Variants in PLBD2 observed in about 807,000 individuals in gnomAD.
PLBD2 encodes putative aminopeptidase PLBD2.
PLBD2 carries 51 observed loss-of-function variants against 68.3 expected under a neutral mutation model. The observed-to-expected ratio is 0.75, with a 90% CI of 0.60 to 0.94. PLBD2 has a LOEUF of 0.94. Among genes scored for constraint, PLBD2 ranks in the 40% least tolerant of loss-of-function variants. PLBD2 has a pLI of 0.00. For missense variants in PLBD2, 729 were observed against 792.2 expected (o/e 0.92, Z 0.96); for synonymous variants, 314 against 339.3 (o/e 0.93, Z 0.82).
At chr12:113,365,428 C>T (rs1364784268) in intron 1 of PLBD2, among the ~76,000 whole-genome samples, 1 of 151,736 alleles carries the variant, frequency 6.6e-6, no homozygotes, top group East Asian at 1.9e-4. Context: ...CGATTCATGC[C>T]TCAGTCACCA....
intron 1 of PLBD2, among the ~76,000 whole-genome samples, chr12:113,364,082 G>A (rs1957320464): frequency 6.6e-6 from 1 of 152,210 alleles, no homozygotes; most frequent in African/African-American, 2.4e-5. Context: ...TTTCGGGAAG[G>A]CCCGTCTTTT....
intron 1 of PLBD2, among the ~76,000 whole-genome samples, chr12:113,367,472 G>A (rs574710153): frequency 4.3e-4 from 65 of 152,224 alleles, no homozygotes; most frequent in Middle Eastern, 3.4e-3. Flanking sequence ...TGCAGAGCCC[G>A]GGCATAGTGG....
Position 113,384,071 on chromosome 12 carries a change from A to G in PLBD2, c.958-34A>G. 1.3e-6 allele frequency: 2 copies of G among 1,553,314 alleles called. No homozygotes were observed. The highest frequency in any genetic ancestry group is 1.7e-6 in the Non-Finnish European group (2 of 1,144,936). On this transcript the variant is annotated intron_variant, in intron 6 of 11. Transcript: ENST00000280800. This position sits in a 1 kb window ranked among gnomAD's most constrained non-coding sequence, Gnocchi z 4.2. Reference sequence around the variant, plus strand: ...ACTGCCACTTGGTGGCAGCATGCCTAGGCTGTGCAGCAGCCCCCTTGACCT... The same window carrying G: ...ACTGCCACTTGGTGGCAGCATGCCTGGGCTGTGCAGCAGCCCCCTTGACCT...
intron 6 of PLBD2, among the ~76,000 whole-genome samples, chr12:113,381,629 C>A (rs1001765044): frequency 1.3e-4 from 20 of 151,966 alleles, no homozygotes; most frequent in Admixed American, 1.2e-3. Context: ...CATGCTGTGG[C>A]CCAGGTGGGG....
chr12:113,380,182 G>A (rs1431964049), intron 5 of PLBD2, among the ~76,000 whole-genome samples: 1 of 151,968 alleles, frequency 6.6e-6, no homozygotes, highest in East Asian at 1.9e-4. Flanking sequence ...TGTCGCCCAG[G>A]CTGGAGTGCA....
chr12:113,373,868 A>AC (rs1957412489), intron 3 of PLBD2, among the ~76,000 whole-genome samples: 1 of 44,694 alleles, frequency 2.2e-5, no homozygotes, highest in Non-Finnish European at 4.3e-5. Context: ...ACATCCACCC[A>AC]CCCACCCACC....
At position 113,384,545 on chromosome 12, in the gene PLBD2, G is replaced by T. The variant is rs1394271807; in HGVS notation, c.1118+280G>T. On this transcript the variant is annotated intron_variant, in intron 7 of 11. Coordinates refer to ENST00000280800, the MANE Select transcript of PLBD2 (RefSeq NM_173542.4). The surrounding 1 kb of genome is among the most constrained non-coding windows in gnomAD (Gnocchi z 4.2). The stretch of plus-strand genomic sequence containing the variant: ...ACAGTGGGGAGGGCTGTTTGAGGAG[G>T]TGGACGTGGGTGGGTGGCAGGGCCT... 6.6e-6 allele frequency among the ~76,000 whole-genome samples: 1 copy of T among 152,164 alleles called. No individual in the cohort carries two copies. Among genetic ancestry groups the T allele is most frequent in the East Asian group, 1.9e-4 (1 of 5,182 alleles).
chr12:113,361,345 T>G (rs9668149), intron 1 of PLBD2, among the ~76,000 whole-genome samples: 66 of 140,854 alleles, frequency 4.7e-4, no homozygotes, highest in East Asian at 2.2e-3. Flanking sequence ...TTTTTTGTTT[T>G]TTTTTTTTTT....
intron 1 of PLBD2, among the ~76,000 whole-genome samples, chr12:113,360,204 G>C (rs1336586177): frequency 1.3e-5 from 2 of 152,138 alleles, no homozygotes; most frequent in Non-Finnish European, 2.9e-5. Context: ...ATCTGGGAAG[G>C]CTCCCAGAGA....
chr12:113,369,880 A>G (rs1369286499), intron 2 of PLBD2, among the ~76,000 whole-genome samples: 1 of 151,636 alleles, frequency 6.6e-6, no homozygotes, highest in Non-Finnish European at 1.5e-5. Context: ...AACCTTATGA[A>G]TACATTAAAA....
At chr12:113,364,845 G>T (rs1957328276) in intron 1 of PLBD2, among the ~76,000 whole-genome samples, 1 of 152,056 alleles carries the variant, frequency 6.6e-6, no homozygotes, top group Admixed American at 6.6e-5. Flanking sequence ...GTCCTCTGAA[G>T]GGGGAGTCAC....
chr12:113,380,529 A>G (rs907962137), intron 5 of PLBD2, among the ~76,000 whole-genome samples: 4 of 152,166 alleles, frequency 2.6e-5, no homozygotes, highest in Admixed American at 1.3e-4. Context: ...TGGAGGGCCA[A>G]CTATATAAGT....
In PLBD2 at chr12:113,384,036, C is replaced by T; in HGVS notation, c.958-69C>T. On this transcript the variant is annotated intron_variant, in intron 6 of 11. Transcript: ENST00000280800. The surrounding 1 kb of genome is among the most constrained non-coding windows in gnomAD (Gnocchi z 4.2). ...AAAAAAAAAATTTTTGGAGCCATGACTGATGAAGTACTGCCACTTGGTGGC... is the reference window on the plus strand; with the variant it reads ...AAAAAAAAAATTTTTGGAGCCATGATTGATGAAGTACTGCCACTTGGTGGC... The T allele has an allele frequency of 9.0e-7, 1 of 1,114,348 alleles. No homozygotes were observed. Among genetic ancestry groups the T allele is most frequent in the South Asian group, 2.2e-5 (1 of 44,742 alleles). The allele number at this position is 1,114,348 out of a possible 1,614,324, so 69.0% of individuals were successfully genotyped here. A position where few individuals can be genotyped will look rare whatever the true frequency, so the allele number is the denominator to read the frequency against.
rs1333746926 is a variant in PLBD2 at position 113,358,587 on chromosome 12, A to G, written c.-14A>G. On this transcript the variant is annotated 5_prime_UTR_variant, in exon 1 of 12. Transcript: ENST00000280800. ...TCACGTGACCCGGGCTGCGGGGCGC[A>G]GCATTGTGCGGTCATGGTGGGCCAG... is the stretch of plus-strand genomic sequence containing the variant. 1 of 1,465,932 alleles carries G rather than the reference A, an allele frequency of 6.8e-7. No homozygotes were observed. The highest frequency in any genetic ancestry group is 8.9e-7 in the Non-Finnish European group (1 of 1,118,422). 90.8% of individuals were successfully genotyped at this position (1,465,932 alleles called of 1,614,324 possible). A position where few individuals can be genotyped will look rare whatever the true frequency, so the allele number is the denominator to read the frequency against.
At position 113,384,017 on chromosome 12, in the gene PLBD2, AAAAT is replaced by A; in HGVS notation, c.958-87_958-84del. 3 of 1,172,384 alleles carry A rather than the reference AAAAT, an allele frequency of 2.6e-6. No homozygotes were observed. Among genetic ancestry groups the A allele is most frequent in the Non-Finnish European group, 2.2e-6 (2 of 892,488 alleles). The allele number at this position is 1,172,384 out of a possible 1,614,324, so 72.6% of individuals were successfully genotyped here. ...ATCTCAAAAAAAAAAAAAAAAAAAA[AAAAT>A]TTTTGGAGCCATGACTGATGAAGTA... On this transcript the variant is annotated intron_variant, in intron 6 of 11. Coordinates refer to ENST00000280800, the MANE Select transcript of PLBD2 (RefSeq NM_173542.4). This position sits in a 1 kb window ranked among gnomAD's most constrained non-coding sequence, Gnocchi z 4.2.
chr12:113,371,381 A>C (rs1303738266), intron 2 of PLBD2, among the ~76,000 whole-genome samples: 1 of 152,252 alleles, frequency 6.6e-6, no homozygotes, highest in Non-Finnish European at 1.5e-5. Context: ...GGTGAATCTG[A>C]GATGCCTGGA....
chr12:113,387,843 G>C lies in PLBD2; in HGVS notation c.1539G>C (p.Pro513=), dbSNP rs765206237. The change falls in exon 11 of 12, where the codon CCG becomes CCC. Residue 513 remains proline, a synonymous_variant. Coordinates refer to ENST00000280800, the MANE Select transcript of PLBD2 (RefSeq NM_173542.4). ...TCTCCGCCCGCTCCGACCTCAACCC[G>C]GCCAATGGCTCCTACCCCTTCCAGG... The part of the protein sequence containing the change: ...NAISARSDLN[P]ANGSYPFQAL... The C allele has an allele frequency of 6.2e-7, 1 of 1,614,168 alleles. No homozygotes were observed. Among genetic ancestry groups the C allele is most frequent in the Admixed American group, 1.7e-5 (1 of 60,022 alleles).
At chr12:113,366,934 C>G (rs1435791350) in intron 1 of PLBD2, among the ~76,000 whole-genome samples, 1 of 152,144 alleles carries the variant, frequency 6.6e-6, no homozygotes, top group Admixed American at 6.6e-5. Context: ...ATTCTCCTGC[C>G]TCAGGCTCCT....
intron 1 of PLBD2, among the ~76,000 whole-genome samples, chr12:113,363,161 G>A (rs944038865): frequency 6.6e-6 from 1 of 152,096 alleles, no homozygotes; most frequent in African/African-American, 2.4e-5. Context: ...CTGGCCGGGC[G>A]CTGTGGCTTG....
Sources: allele counts gnomAD v4.1 joint callset (sites outside exome capture counted in the v4.1 genomes callset), GRCh38; gene constraint gnomAD v4.1.1; non-coding constraint Gnocchi (gnomAD v3.1); transcripts MANE v1.5; gene names NCBI Gene and HGNC (gene_info 2026-07-23, HGNC 2026-07-21).